NREP: variants seen among roughly 807,000 people sequenced by gnomAD.
NREP encodes neuronal regeneration related protein.
Under a neutral mutation model 8.6 loss-of-function variants are expected in NREP, and 5 were observed. The ratio of observed to expected loss-of-function variants is 0.58; its 90% CI spans 0.30 to 1.22. The LOEUF (loss-of-function observed/expected upper bound fraction) is 1.22, where lower values mean the gene tolerates loss of function less well. Among genes scored for constraint, NREP ranks in the 50% most tolerant of loss-of-function variants. The pLI, the probability that NREP is intolerant of heterozygous loss-of-function variation, is 0.07. For synonymous variants in NREP, 27 were observed against 28.0 expected, an observed-to-expected ratio of 0.96 and a Z score of 0.11; for missense variants, 86 against 82.5, an observed-to-expected ratio of 1.04 and a Z score of -0.17.
At chr5:111,814,959 A>G (rs1243593642) in intron 2 of NREP, among the ~76,000 whole-genome samples, 1 of 133,988 alleles carries the variant, frequency 7.5e-6, no homozygotes, top group African/African-American at 2.7e-5. Flanking sequence ...TAAGTTACCA[A>G]GAGGAAAAAA....
At chr5:111,937,917 A>G (rs1019662560) in intron 2 of NREP, among the ~76,000 whole-genome samples, 3 of 152,052 alleles carry the variant, frequency 2.0e-5, no homozygotes, top group Non-Finnish European at 2.9e-5. Flanking sequence ...CCTCCAACTT[A>G]TGCCTGCTCT....
intron 2 of NREP, among the ~76,000 whole-genome samples, chr5:111,880,977 G>A (rs1014361100): frequency 2.8e-4 from 43 of 152,216 alleles, no homozygotes; most frequent in East Asian, 3.9e-4. Flanking sequence ...AGTGGGCACA[G>A]GACAGTGGGT....
At chr5:111,831,041 T>C (rs1385768654) in intron 2 of NREP, among the ~76,000 whole-genome samples, 2 of 152,104 alleles carry the variant, frequency 1.3e-5, no homozygotes, top group East Asian at 3.9e-4. Context: ...ATCAGCCATC[T>C]CTCTGGCCCA....
At chr5:111,774,516 T>A (rs1332219367) in intron 2 of NREP, among the ~76,000 whole-genome samples, 1 of 152,110 alleles carries the variant, frequency 6.6e-6, no homozygotes, top group Non-Finnish European at 1.5e-5. Context: ...TCCCTTCAGC[T>A]GCAGCAAGGA....
At chr5:111,772,311 G>C (rs528298011) in intron 2 of NREP, among the ~76,000 whole-genome samples, 2 of 151,964 alleles carry the variant, frequency 1.3e-5, no homozygotes, top group Non-Finnish European at 2.9e-5. Flanking sequence ...AGAATAGAAG[G>C]TTTTTTGTTT....
At chr5:111,773,746 A>ATGCCTTCTACAGAGTGCCTACTCTG (rs1405132397) in intron 2 of NREP, among the ~76,000 whole-genome samples, 3 of 152,196 alleles carry the variant, frequency 2.0e-5, no homozygotes, top group African/African-American at 7.2e-5. Context: ...CAAAAATATA[A>ATGCCTTCTACAGAGTGCCTACTCTG]TGCCTTCTAC....
intron 2 of NREP, among the ~76,000 whole-genome samples, chr5:111,885,022 A>G (rs927713604): frequency 5.7e-4 from 87 of 152,354 alleles, no homozygotes; most frequent in Admixed American, 6.5e-4. Context: ...TTAGGAAAAG[A>G]GGAAGTCAAA....
chr5:111,900,154 G>A (rs1754607481), intron 2 of NREP, among the ~76,000 whole-genome samples: 2 of 151,844 alleles, frequency 1.3e-5, no homozygotes, highest in African/African-American at 4.8e-5. Flanking sequence ...TTTGGAAACT[G>A]TACAAATACA....
intron 2 of NREP, among the ~76,000 whole-genome samples, chr5:111,771,550 G>A (rs1490854157): frequency 6.6e-6 from 1 of 151,978 alleles, no homozygotes; most frequent in Non-Finnish European, 1.5e-5. Context: ...ATAGCCTGAG[G>A]TCAGAAGTTC....
intron 2 of NREP, among the ~76,000 whole-genome samples, chr5:111,926,586 C>T (rs1371665506): frequency 5.3e-5 from 8 of 151,968 alleles, no homozygotes; most frequent in Non-Finnish European, 8.8e-5. Flanking sequence ...GTAAGGCCGC[C>T]CCCTTGTGCA....
intron 2 of NREP, among the ~76,000 whole-genome samples, chr5:111,813,248 T>C (rs59874488): frequency 0.094 from 14,355 of 152,212 alleles, 1,658 homozygotes; most frequent in African/African-American, 0.26. Context: ...TAGACTTTTC[T>C]AACAGATGGC....
chr5:111,924,207 A>G (rs1053722976), intron 2 of NREP, among the ~76,000 whole-genome samples: 2 of 152,168 alleles, frequency 1.3e-5, no homozygotes, highest in African/African-American at 2.4e-5. Flanking sequence ...TGGCTAAGAA[A>G]TTGAGAAGGG....
intron 2 of NREP, among the ~76,000 whole-genome samples, chr5:111,792,032 C>T (rs1300220855): frequency 6.6e-6 from 1 of 152,154 alleles, no homozygotes; most frequent in Non-Finnish European, 1.5e-5. Flanking sequence ...TATAAACTAT[C>T]ATCAGTGTTG....
At chr5:111,835,625 G>C (rs1466105488) in intron 2 of NREP, among the ~76,000 whole-genome samples, 1 of 152,072 alleles carries the variant, frequency 6.6e-6, no homozygotes, top group African/African-American at 2.4e-5. Context: ...CAAGATAGAA[G>C]ATCAGATACT....
intron 2 of NREP, among the ~76,000 whole-genome samples, chr5:111,854,425 C>G (rs1382612730): frequency 6.6e-6 from 1 of 152,140 alleles, no homozygotes; most frequent in African/African-American, 2.4e-5. Flanking sequence ...TGAGCACTCC[C>G]AGGGTGCCAG....
chr5:111,839,745 TA>T (rs1411353893), intron 2 of NREP, among the ~76,000 whole-genome samples: 24 of 152,118 alleles, frequency 1.6e-4, no homozygotes, highest in Non-Finnish European at 2.9e-4. Flanking sequence ...AAAGTCTTAA[TA>T]AATATTTATG....
At chr5:111,915,416 C>T (rs1404816534) in intron 2 of NREP, among the ~76,000 whole-genome samples, 3 of 151,936 alleles carry the variant, frequency 2.0e-5, no homozygotes, top group Admixed American at 6.6e-5. Context: ...AAGATACCAG[C>T]TCACATTAAA....
At chr5:111,764,586 C>G (rs1225039291) in intron 2 of NREP, among the ~76,000 whole-genome samples, 1 of 152,152 alleles carries the variant, frequency 6.6e-6, no homozygotes, top group African/African-American at 2.4e-5. Context: ...ATTAAATTAC[C>G]TCCCACCAGG....
At chr5:111,944,959 C>T (rs1306154277) in intron 2 of NREP, among the ~76,000 whole-genome samples, 1 of 152,010 alleles carries the variant, frequency 6.6e-6, no homozygotes, top group Admixed American at 6.6e-5. Flanking sequence ...TCCTTTATCC[C>T]TAATATTTGA....
Sources: gnomAD v4.1 joint callset for allele counts (sites outside exome capture counted in the v4.1 genomes callset) on GRCh38, gnomAD v4.1.1 for gene constraint, MANE v1.5 for transcripts, NCBI Gene and HGNC (gene_info 2026-07-23, HGNC 2026-07-21) for gene names.